Variants in ANTXR2 observed in about 807,000 individuals in gnomAD.
The protein encoded by ANTXR2 is ANTXR cell adhesion molecule 2, also known as anthrax toxin receptor 2.
Under a neutral mutation model 73.7 loss-of-function variants are expected in ANTXR2, and 44 were observed. The ratio of observed to expected loss-of-function variants is 0.60; its 90% CI spans 0.47 to 0.77. The LOEUF is 0.77. Among genes scored for constraint, ANTXR2 ranks in the 30% least tolerant of loss-of-function variants. The pLI is 0.00. For synonymous variants in ANTXR2, 217 were observed against 205.9 expected, an observed-to-expected ratio of 1.05 and a Z score of -0.46; for missense variants, 604 against 592.5, an observed-to-expected ratio of 1.02 and a Z score of -0.20.
chr4:80,071,122 A>ACT (rs1217748542), intron 2 of ANTXR2, among the ~76,000 whole-genome samples: 2 of 152,324 alleles, frequency 1.3e-5, no homozygotes, highest in East Asian at 3.9e-4. Context: ...AAACACACAC[A>ACT]CAAGTGCCTT....
chr4:79,984,998 T>C, intron 12 of ANTXR2, 135 bp from the exon 13 acceptor site: 1 of 694,628 alleles, frequency 1.4e-6, no homozygotes, highest in Non-Finnish European at 2.5e-6. Flanking sequence ...CACCCAATAT[T>C]TATGCCCCTC....
Position 79,906,687 on chromosome 4 carries a change from CT to C in ANTXR2, c.*741del, listed in dbSNP as rs1157833840. 1 of 152,616 alleles carries C rather than the reference CT, an allele frequency of 6.6e-6. No individual in the cohort carries two copies. Among genetic ancestry groups the C allele is most frequent in the Non-Finnish European group, 1.5e-5 (1 of 68,066 alleles). The allele number at this position is 152,616 out of a possible 1,614,324, so 9.5% of individuals were successfully genotyped here. A position where few individuals can be genotyped will look rare whatever the true frequency, so the allele number is the denominator to read the frequency against. On this transcript the variant is annotated 3_prime_UTR_variant, in exon 17 of 17. Transcript: ENST00000403729. ...ACACTCAAGATCTCTGGCTAGAGGC[CT>C]TCTGTGGAATAACGCTCTATTAATT...
intron 3 of ANTXR2, among the ~76,000 whole-genome samples, chr4:80,058,066 G>A (rs893665058): frequency 6.6e-6 from 1 of 152,054 alleles, no homozygotes; most frequent in Non-Finnish European, 1.5e-5. Flanking sequence ...GTGGCAGTGT[G>A]TCTTTGAGCA....
intron 10 of ANTXR2, among the ~76,000 whole-genome samples, chr4:80,023,765 G>A (rs1732287831): frequency 6.6e-6 from 1 of 152,156 alleles, no homozygotes; most frequent in Non-Finnish European, 1.5e-5. Context: ...GGACAGAACA[G>A]TCAAGGCAGT....
At chr4:79,916,122 T>A (rs1279752213) in intron 16 of ANTXR2, among the ~76,000 whole-genome samples, 1 of 151,914 alleles carries the variant, frequency 6.6e-6, no homozygotes, top group Non-Finnish European at 1.5e-5. Context: ...CCTGCAAAAT[T>A]TCAGTGACTC....
chr4:80,062,511 ATC>A (rs1467648357), intron 3 of ANTXR2, among the ~76,000 whole-genome samples: 4 of 152,208 alleles, frequency 2.6e-5, no homozygotes, highest in African/African-American at 9.7e-5. Context: ...TAACATGTCC[ATC>A]ACTAAAATCT....
intron 16 of ANTXR2, among the ~76,000 whole-genome samples, chr4:79,965,962 T>C (rs546967363): frequency 6.6e-6 from 1 of 152,326 alleles, no homozygotes; most frequent in Non-Finnish European, 1.5e-5. Flanking sequence ...GTTCAACGTT[T>C]TTCATTTAAT....
At chr4:80,058,679 T>TA (rs11375681) in intron 3 of ANTXR2, among the ~76,000 whole-genome samples, 92,209 of 148,452 alleles carry the variant, frequency 0.62, 29,112 homozygotes, top group East Asian at 0.95. Context: ...ACTGTAATGT[T>TA]AAAAAAAAAA....
chr4:80,022,825 C>G (rs80254576), intron 10 of ANTXR2, among the ~76,000 whole-genome samples: 13,748 of 152,184 alleles, frequency 0.09, 2,014 homozygotes, highest in African/African-American at 0.31. Context: ...TTGGGCGAAA[C>G]TGGAGTCCTG....
chr4:80,067,072 G>A (rs1275571991), intron 3 of ANTXR2, among the ~76,000 whole-genome samples: 1 of 152,144 alleles, frequency 6.6e-6, no homozygotes, highest in Non-Finnish European at 1.5e-5. Context: ...CGGGCGTGGT[G>A]GTGGGTGCCT....
At position 79,919,311 on chromosome 4, in the gene ANTXR2, C is replaced by A. The variant is rs189172193; in HGVS notation, c.1429-11844G>T. On this transcript the variant is annotated intron_variant, in intron 16 of 16. Coordinates refer to ENST00000403729, the MANE Select transcript of ANTXR2 (RefSeq NM_058172.6). Reference sequence around the variant, plus strand: ...AAGCAAAGAAATGTTTCACTTAATTCACCAGTCTTAATTTTACTATTTGTT... The same window carrying A: ...AAGCAAAGAAATGTTTCACTTAATTAACCAGTCTTAATTTTACTATTTGTT... Among the ~76,000 whole-genome samples, 16 of 152,254 alleles carry A rather than the reference C, an allele frequency of 1.1e-4. No homozygotes were observed. In the East Asian group the frequency reaches 3.1e-3, roughly 29 times the overall value.
chr4:80,051,685 A>G (rs1436469657), intron 7 of ANTXR2, among the ~76,000 whole-genome samples: 1 of 151,704 alleles, frequency 6.6e-6, no homozygotes, highest in Admixed American at 6.6e-5. Flanking sequence ...CATTTTAGAG[A>G]AGGCATTAAA....
chr4:80,018,875 T>C (rs1389244759), intron 11 of ANTXR2, 23 bp downstream of exon 11: 1 of 1,478,548 alleles, frequency 6.8e-7, no homozygotes, highest in African/African-American at 1.4e-5. Context: ...TAAAAGATAA[T>C]CTTTGTGCAA....
chr4:80,048,147 A>G (rs1733608978), intron 7 of ANTXR2, among the ~76,000 whole-genome samples: 2 of 151,400 alleles, frequency 1.3e-5, no homozygotes, highest in Admixed American at 1.3e-4. Context: ...CCAATATACC[A>G]TAACTATATT....
chr4:79,907,473 G>T lies in ANTXR2; in HGVS notation c.1429-6C>A. ...GAGAAGTTTATGCACCGGCCCTGAA[G>T]AAAGAAATAAATCCATATTGAAATA... On this transcript the variant is annotated splice_polypyrimidine_tract_variant and splice_region_variant and intron_variant, in intron 16 of 16. Coordinates refer to ENST00000403729, the MANE Select transcript of ANTXR2 (RefSeq NM_058172.6). 1.2e-6 allele frequency: 2 copies of T among 1,611,772 alleles called. No homozygotes were observed. Among genetic ancestry groups the T allele is most frequent in the Non-Finnish European group, 1.7e-6 (2 of 1,178,606 alleles).
intron 12 of ANTXR2, among the ~76,000 whole-genome samples, chr4:79,985,840 T>A: frequency 6.4e-5 from 2 of 31,278 alleles, no homozygotes; most frequent in Non-Finnish European, 1.1e-4. Context: ...AGTTAATTCT[T>A]TTTTTTTTTT....
intron 16 of ANTXR2, among the ~76,000 whole-genome samples, chr4:79,911,222 T>C (rs1395149253): frequency 6.6e-6 from 1 of 152,212 alleles, no homozygotes; most frequent in Admixed American, 6.5e-5. Flanking sequence ...CATATCCTCA[T>C]GCTTATAGTG....
At chr4:79,993,053 T>C (rs1730545661) in intron 12 of ANTXR2, among the ~76,000 whole-genome samples, 3 of 152,042 alleles carry the variant, frequency 2.0e-5, no homozygotes, top group South Asian at 2.1e-4. Context: ...GATAATTTTA[T>C]CTACCAAAAA....
At chr4:79,998,626 G>T (rs936539227) in intron 12 of ANTXR2, among the ~76,000 whole-genome samples, 17 of 151,966 alleles carry the variant, frequency 1.1e-4, no homozygotes, top group African/African-American at 3.9e-4. Flanking sequence ...ATTCAAAACA[G>T]GATAAGTTTT....
Sources: allele counts gnomAD v4.1 joint callset (sites outside exome capture counted in the v4.1 genomes callset), GRCh38; gene constraint gnomAD v4.1.1; transcripts MANE v1.5; gene names NCBI Gene and HGNC (gene_info 2026-07-23, HGNC 2026-07-21).